Variants in ACCSL observed in about 807,000 individuals in gnomAD.
The protein encoded by ACCSL is 1-aminocyclopropane-1-carboxylate synthase homolog (inactive) like, also known as probable inactive 1-aminocyclopropane-1-carboxylate synthase-like protein 2.
Under a neutral mutation model 61.7 loss-of-function variants are expected in ACCSL, and 55 were observed. The ratio of observed to expected loss-of-function variants is 0.89; its 90% CI spans 0.72 to 1.12. ACCSL has a LOEUF of 1.12. ACCSL is among the 50% of genes most tolerant of loss of function. The probability of loss-of-function intolerance (pLI) is 0.00; values close to 1 mark genes in which losing one functional copy is unlikely to be tolerated. For missense variants in ACCSL, 632 were observed against 698.0 expected (o/e 0.91, Z 1.07); for synonymous variants, 258 against 264.3 (o/e 0.98, Z 0.23).
the ACCSL span, among the ~76,000 whole-genome samples, chr11:43,935,248 G>A: frequency 5.9e-5 from 9 of 152,132 alleles, no homozygotes; most frequent in African/African-American, 1.4e-4. Context: ...GTGTGTACAC[G>A]CACACACACG....
At chr11:44,022,528 G>A in the ACCSL span, among the ~76,000 whole-genome samples, 3 of 152,090 alleles carry the variant, frequency 2.0e-5, no homozygotes, top group Admixed American at 1.3e-4. Flanking sequence ...AGTCTTTAGG[G>A]TTTTCTAGGC....
At chr11:44,053,265 C>T (rs1356446523) in intron 7 of ACCSL, 141 bp from the exon 8 acceptor site, 1 of 870,894 alleles carries the variant, frequency 1.1e-6, no homozygotes, top group Admixed American at 2.4e-5. Flanking sequence ...CCTGTTTCCC[C>T]TCTTTGGGCA....
At chr11:43,980,853 T>TATCATCATC in the ACCSL span, among the ~76,000 whole-genome samples, 5 of 151,700 alleles carry the variant, frequency 3.3e-5, no homozygotes, top group African/African-American at 1.2e-4. Context: ...TAAGCGCTAT[T>TATCATCATC]ATCATCATCA....
the ACCSL span, among the ~76,000 whole-genome samples, chr11:44,040,705 A>G: frequency 0.06 from 9,061 of 152,160 alleles, 498 homozygotes; most frequent in African/African-American, 0.14. Context: ...TGGCAGGGTA[A>G]TGTGAGCTGT....
the ACCSL span, among the ~76,000 whole-genome samples, chr11:43,963,170 T>C: frequency 6.6e-6 from 1 of 152,198 alleles, no homozygotes; most frequent in Non-Finnish European, 1.5e-5. Context: ...TTGTGCCCCA[T>C]GGAGAAGGGT....
chr11:43,999,725 G>T, the ACCSL span, among the ~76,000 whole-genome samples: 1 of 152,142 alleles, frequency 6.6e-6, no homozygotes, highest in Non-Finnish European at 1.5e-5. Context: ...ATATCAGGGG[G>T]TGGGATAATC....
At chr11:43,997,508 T>C in the ACCSL span, among the ~76,000 whole-genome samples, 4 of 152,214 alleles carry the variant, frequency 2.6e-5, no homozygotes, top group Admixed American at 6.5e-5. Context: ...ATATTTTCCA[T>C]GCTGTTCTCT....
chr11:43,924,731 G>T, the ACCSL span, among the ~76,000 whole-genome samples: 1 of 152,226 alleles, frequency 6.6e-6, no homozygotes, highest in Non-Finnish European at 1.5e-5. Flanking sequence ...TGGGGGTTCG[G>T]TCAGGACACC....
the ACCSL span, among the ~76,000 whole-genome samples, chr11:43,948,853 G>T: frequency 6.6e-6 from 1 of 152,178 alleles, no homozygotes; most frequent in African/African-American, 2.4e-5. Flanking sequence ...AGGTGCTCTG[G>T]GTTTGAATCT....
chr11:44,005,930 C>T, the ACCSL span, among the ~76,000 whole-genome samples: 6 of 152,124 alleles, frequency 3.9e-5, no homozygotes, highest in South Asian at 4.1e-4. Flanking sequence ...TCCAAAGATC[C>T]GCAATGCAAG....
At chr11:44,049,917 A>G (rs747360641) in intron 1 of ACCSL, 145 bp from the exon 2 acceptor site, 1 of 1,088,042 alleles carries the variant, frequency 9.2e-7, no homozygotes, top group Non-Finnish European at 1.4e-6. Flanking sequence ...GGGTTCATGG[A>G]AAGCTTTCCT....
At chr11:44,049,909 G>A (rs146394955) in intron 1 of ACCSL, 153 bp from the exon 2 acceptor site, 17 of 971,018 alleles carry the variant, frequency 1.8e-5, no homozygotes, top group Non-Finnish European at 2.6e-5. Flanking sequence ...ACTATTTTGG[G>A]TTCATGGAAA....
chr11:43,955,103 T>A, the ACCSL span, among the ~76,000 whole-genome samples: 2 of 152,232 alleles, frequency 1.3e-5, no homozygotes, highest in East Asian at 3.8e-4. Context: ...AATTTCTTTC[T>A]GTCTCCTGTA....
chr11:43,983,266 G>C, the ACCSL span, among the ~76,000 whole-genome samples: 6 of 152,332 alleles, frequency 3.9e-5, no homozygotes, highest in South Asian at 8.3e-4. Flanking sequence ...CCAGGAAACA[G>C]TCGATTACTC....
At chr11:43,971,261 G>T in the ACCSL span, among the ~76,000 whole-genome samples, 1 of 145,358 alleles carries the variant, frequency 6.9e-6, no homozygotes, top group Non-Finnish European at 1.5e-5. Flanking sequence ...TTCCAGCCTG[G>T]GTGACAGAGC....
the ACCSL span, among the ~76,000 whole-genome samples, chr11:43,991,565 G>A: frequency 5.3e-5 from 8 of 152,194 alleles, no homozygotes; most frequent in African/African-American, 1.9e-4. Flanking sequence ...AGGCTGAGGT[G>A]GGCGGATCAC....
the ACCSL span, among the ~76,000 whole-genome samples, chr11:43,968,127 C>T: frequency 1.3e-5 from 2 of 152,092 alleles, no homozygotes; most frequent in South Asian, 2.1e-4. Context: ...AAGTAGAACC[C>T]GGGGATGCTG....
At chr11:44,032,267 C>G in the ACCSL span, among the ~76,000 whole-genome samples, 1 of 152,274 alleles carries the variant, frequency 6.6e-6, no homozygotes, top group East Asian at 1.9e-4. Context: ...TACATGTCCT[C>G]TCGTCACTCT....
the ACCSL span, among the ~76,000 whole-genome samples, chr11:44,030,995 G>A: frequency 6.6e-6 from 1 of 152,140 alleles, no homozygotes; most frequent in African/African-American, 2.4e-5. Flanking sequence ...ACACACAAAA[G>A]GCAGGGATTT....
Sources: allele counts gnomAD v4.1 joint callset (sites outside exome capture counted in the v4.1 genomes callset), GRCh38; gene constraint gnomAD v4.1.1; transcripts MANE v1.5; gene names NCBI Gene and HGNC (gene_info 2026-07-23, HGNC 2026-07-21).